The following CCDC18 variants were observed in gnomAD, a reference collection of about 807,000 sequenced individuals.
The protein encoded by CCDC18 is coiled-coil domain containing 18.
CCDC18 carries 157 observed loss-of-function variants against 196.0 expected under a neutral mutation model. The ratio of observed to expected loss-of-function variants is 0.80; its 90% confidence interval spans 0.70 to 0.91. The LOEUF (loss-of-function observed/expected upper bound fraction) is 0.91, where lower values mean the gene tolerates loss of function less well. Among genes scored for constraint, CCDC18 ranks in the 40% least tolerant of loss-of-function variants. The pLI, the probability that CCDC18 is intolerant of heterozygous loss-of-function variation, is 0.00. For missense variants in CCDC18, 1,465 were observed against 1,611.6 expected (o/e 0.91, Z 1.56); for synonymous variants, 482 against 529.2 (o/e 0.91, Z 1.22).
intron 10 of CCDC18, 40 bp downstream of exon 10, chr1:93,210,966 T>C (rs773222450): frequency 1.2e-6 from 2 of 1,605,990 alleles, no homozygotes; most frequent in Middle Eastern, 1.7e-4. Context: ...AAATAGAATG[T>C]TTTTTATTGG....
At chr1:93,256,574 A>G in intron 25 of CCDC18, 36 bp downstream of exon 25, 2 of 1,531,160 alleles carry the variant, frequency 1.3e-6, no homozygotes, top group Non-Finnish European at 9.0e-7. Flanking sequence ...TGTATCTGAA[A>G]TCTTACAAAT....
intron 23 of CCDC18, among the ~76,000 whole-genome samples, chr1:93,250,736 A>G (rs534437321): frequency 3.9e-5 from 6 of 152,058 alleles, no homozygotes; most frequent in Admixed American, 1.3e-4. Context: ...GTCTCTTTCT[A>G]CTGTCTTTGA....
At chr1:93,220,822 C>T (rs1478731853) in intron 14 of CCDC18, among the ~76,000 whole-genome samples, 2 of 152,060 alleles carry the variant, frequency 1.3e-5, no homozygotes, top group East Asian at 3.9e-4. Context: ...GTTGTTCCTC[C>T]CCATGTCTTC....
chr1:93,238,374 C>G (rs1206627400), intron 19 of CCDC18, among the ~76,000 whole-genome samples: 1 of 152,138 alleles, frequency 6.6e-6, no homozygotes, highest in Non-Finnish European at 1.5e-5. Context: ...TAGATGTATA[C>G]ATGTACATTA....
chr1:93,202,832 T>G (rs1291866781), intron 7 of CCDC18, among the ~76,000 whole-genome samples: 1 of 152,148 alleles, frequency 6.6e-6, no homozygotes, highest in African/African-American at 2.4e-5. Context: ...AAACAAATAA[T>G]TTCAGTATTT....
chr1:93,195,554 C>G (rs1652587516), intron 6 of CCDC18, among the ~76,000 whole-genome samples: 1 of 152,186 alleles, frequency 6.6e-6, no homozygotes, highest in Non-Finnish European at 1.5e-5. Flanking sequence ...CAACGCAACA[C>G]TGTTGGGAGG....
intron 28 of CCDC18, chr1:93,271,099 C>T: frequency 1.0e-6 from 1 of 983,548 alleles, no homozygotes; most frequent in Non-Finnish European, 1.2e-6. Context: ...AATTAAAAAA[C>T]TGAAAAAAAG....
chr1:93,261,892 G>A (rs2101223232), intron 26 of CCDC18, among the ~76,000 whole-genome samples: 1 of 152,178 alleles, frequency 6.6e-6, no homozygotes, highest in Non-Finnish European at 1.5e-5. Flanking sequence ...ACCTGAGATT[G>A]GGTAATTTAT....
intron 23 of CCDC18, among the ~76,000 whole-genome samples, chr1:93,253,796 G>C (rs1272573495): frequency 6.6e-6 from 1 of 152,168 alleles, no homozygotes; most frequent in Non-Finnish European, 1.5e-5. Context: ...GGGGACGTGG[G>C]CTGTTTCCAG....
intron 28 of CCDC18, among the ~76,000 whole-genome samples, chr1:93,271,970 A>G (rs2101559671): frequency 6.6e-6 from 1 of 152,216 alleles, no homozygotes; most frequent in Admixed American, 6.5e-5. Context: ...CGTATTCCTT[A>G]TGTTCCACAA....
At chr1:93,186,168 G>A (rs577876224) in intron 3 of CCDC18, among the ~76,000 whole-genome samples, 177 bp from the exon 4 acceptor site, 2 of 152,054 alleles carry the variant, frequency 1.3e-5, no homozygotes, top group African/African-American at 4.8e-5. Context: ...TCCACCAGCA[G>A]TGGAAGAGAG....
intron 28 of CCDC18, chr1:93,271,209 CTG>C (rs1413393361): frequency 1.1e-5 from 11 of 985,174 alleles, no homozygotes; most frequent in Non-Finnish European, 1.2e-5. Context: ...CATTTGGGCT[CTG>C]TATGTCAAAA....
intron 4 of CCDC18, among the ~76,000 whole-genome samples, chr1:93,188,004 T>C (rs1485314166): frequency 1.3e-5 from 2 of 152,214 alleles, no homozygotes; most frequent in Admixed American, 6.5e-5. Flanking sequence ...CTTAGTGATT[T>C]AAAGTAAGAA....
intron 8 of CCDC18, among the ~76,000 whole-genome samples, chr1:93,206,071 T>C (rs1443020068): frequency 6.6e-6 from 1 of 152,118 alleles, no homozygotes; most frequent in Non-Finnish European, 1.5e-5. Flanking sequence ...GATCGAAGTC[T>C]TCTGACTCCA....
Position 93,270,738 on chromosome 1 carries a change from G to A in CCDC18, c.4277G>A (p.Gly1426Glu). 2 of 1,549,556 alleles carry A rather than the reference G, an allele frequency of 1.3e-6. No individual in the cohort carries two copies. Among genetic ancestry groups the A allele is most frequent in the Middle Eastern group, 1.7e-4 (1 of 5,978 alleles). The change falls in exon 28 of 29, where the codon GGG becomes GAG. Residue 1426 changes from glycine (G) to glutamate (E), a missense_variant. Transcript: ENST00000690025. The stretch of plus-strand genomic sequence containing the variant: ...AATAATGACTTTAACACGCTTAGTG[G>A]GATGCTAAGATACATAAACAAAGAA... ...SENNDFNTLS[G>E]MLRYINKEVR...
intron 23 of CCDC18, among the ~76,000 whole-genome samples, chr1:93,249,662 G>GTATTATGTATTATCCAGAATATA (rs1661972881): frequency 6.6e-6 from 1 of 151,874 alleles, no homozygotes; most frequent in African/African-American, 2.4e-5. Context: ...TCCAGAATAT[G>GTATTATGTATTATCCAGAATATA]TAATATGTTA....
intron 27 of CCDC18, among the ~76,000 whole-genome samples, chr1:93,267,824 A>T (rs1054567590): frequency 1.3e-5 from 2 of 152,320 alleles, no homozygotes; most frequent in African/African-American, 4.8e-5. Context: ...ATGCTCATGG[A>T]TAGGAAGAAT....
At position 93,226,391 on chromosome 1, in the gene CCDC18, A is replaced by G; in HGVS notation, c.2234A>G (p.Asn745Ser). Residue 745 changes from asparagine to serine, a missense_variant, in exon 17 of 29, where the codon AAT becomes AGT. By Grantham distance (46) the Asn-to-Ser change is conservative. Coordinates refer to ENST00000690025, the MANE Select transcript of CCDC18 (RefSeq NM_001378204.1). ...ICKEELVLHL[N>S]QLEGNKEKFE... ...AAGGAAGAACTTGTCTTGCATTTGA[A>G]TCAATTGGAAGGAAATAAGGAAAAG... 1 of 1,602,110 alleles carries G rather than the reference A, an allele frequency of 6.2e-7. No homozygotes were observed. Among genetic ancestry groups the G allele is most frequent in the Non-Finnish European group, 8.5e-7 (1 of 1,172,744 alleles).
rs114617891 is a variant in CCDC18, at chr1:93,186,996, A to G, written c.462+493A>G. Among the ~76,000 whole-genome samples the G allele has an allele frequency of 7.8e-3, 1,189 of 152,078 alleles. 21 individuals carry two copies. Among genetic ancestry groups the G allele is most frequent in the African/African-American group, 0.027 (1,135 of 41,554 alleles). ...TGTGCATTTTCTGATGCATTTACAT[A>G]GCTTTTCCATTGAACATTTTTTATG... On this transcript the variant is annotated intron_variant, in intron 4 of 28. Transcript: ENST00000690025.
Sources: gnomAD v4.1 joint callset for allele counts (sites outside exome capture counted in the v4.1 genomes callset) on GRCh38, gnomAD v4.1.1 for gene constraint, MANE v1.5 for transcripts, NCBI Gene and HGNC (gene_info 2026-07-23, HGNC 2026-07-21) for gene names.